LARGE1: variants seen among roughly 807,000 people sequenced by gnomAD.
LARGE1 encodes LARGE xylosyl- and glucuronyltransferase 1.
Under a neutral mutation model 87.6 loss-of-function variants are expected in LARGE1, and 43 were observed. The ratio of observed to expected loss-of-function variants is 0.49; its 90% CI spans 0.38 to 0.63. The LOEUF (loss-of-function observed/expected upper bound fraction) is 0.63. LARGE1 is among the 30% of genes least tolerant of loss of function. LARGE1 has a pLI of 0.00. For missense variants in LARGE1, 802 were observed against 1,000.2 expected (o/e 0.80, Z 2.67); for synonymous variants, 434 against 394.6 (o/e 1.10, Z -1.18).
chr22:33,661,761 C>A (rs1569351869), intron 2 of LARGE1, among the ~76,000 whole-genome samples: 1 of 152,054 alleles, frequency 6.6e-6, no homozygotes, highest in East Asian at 1.9e-4. Flanking sequence ...CAAAAAGGAT[C>A]CAACAGAATG....
At chr22:33,440,760 T>C (rs2067436804) in intron 6 of LARGE1, among the ~76,000 whole-genome samples, 1 of 152,178 alleles carries the variant, frequency 6.6e-6, no homozygotes, top group Non-Finnish European at 1.5e-5. Flanking sequence ...CAGAACGATA[T>C]TTAAACAACC....
intron 1 of LARGE1, among the ~76,000 whole-genome samples, chr22:33,901,422 C>G (rs867269566): frequency 6.6e-6 from 1 of 152,204 alleles, no homozygotes; most frequent in African/African-American, 2.4e-5. Context: ...GAAATATTAG[C>G]ATGGAAATAA....
intron 1 of LARGE1, among the ~76,000 whole-genome samples, chr22:33,871,205 TATATTC>T (rs1391826681): frequency 6.6e-6 from 1 of 152,236 alleles, no homozygotes; most frequent in African/African-American, 2.4e-5. Context: ...AACGTATATT[TATATTC>T]ATTTTAAGGC....
At chr22:33,771,080 C>T (rs1346646035) in intron 1 of LARGE1, among the ~76,000 whole-genome samples, 1 of 152,166 alleles carries the variant, frequency 6.6e-6, no homozygotes. Flanking sequence ...TGCCAGCCCT[C>T]CAAGGCTACA....
intron 6 of LARGE1, among the ~76,000 whole-genome samples, chr22:33,506,125 GGGGCCTCATTTCAA>G (rs879796017): frequency 6.6e-5 from 10 of 152,130 alleles, no homozygotes; most frequent in East Asian, 3.9e-4. Context: ...AGGGAAGAAT[GGGGCCTCATTTCAA>G]GGGCCTCATT....
chr22:33,179,675 G>A (rs886211276), intron 11 of LARGE1, among the ~76,000 whole-genome samples: 1 of 152,148 alleles, frequency 6.6e-6, no homozygotes, highest in Admixed American at 6.5e-5. Context: ...TATTATTTAA[G>A]TACTTTGGGA....
intron 1 of LARGE1, among the ~76,000 whole-genome samples, chr22:33,898,553 A>G (rs1311598948): frequency 6.6e-6 from 1 of 152,224 alleles, no homozygotes; most frequent in Admixed American, 6.5e-5. Context: ...TTGGAAGTTC[A>G]AGACCAGCCT....
intron 1 of LARGE1, among the ~76,000 whole-genome samples, chr22:33,774,419 C>T (rs766654748): frequency 1.7e-4 from 26 of 152,154 alleles, no homozygotes; most frequent in Middle Eastern, 3.4e-3. Context: ...TGCAGTGGCA[C>T]GATCTCGGTT....
At chr22:33,687,146 C>T (rs1299381055) in intron 2 of LARGE1, among the ~76,000 whole-genome samples, 1 of 151,832 alleles carries the variant, frequency 6.6e-6, no homozygotes, top group Non-Finnish European at 1.5e-5. Flanking sequence ...AAGATGACCA[C>T]CTCTTCCTTT....
chr22:33,833,399 G>A (rs891884246), intron 1 of LARGE1, among the ~76,000 whole-genome samples: 14 of 152,130 alleles, frequency 9.2e-5, no homozygotes, highest in African/African-American at 2.4e-5. Flanking sequence ...CCCTAATCCA[G>A]AATGACCAGT....
At chr22:33,471,895 C>A (rs1249963618) in intron 6 of LARGE1, among the ~76,000 whole-genome samples, 1 of 152,074 alleles carries the variant, frequency 6.6e-6, no homozygotes. Flanking sequence ...ACTAAAAATA[C>A]AAAAATTAGC....
At chr22:33,640,395 A>G (rs1289363888) in intron 3 of LARGE1, among the ~76,000 whole-genome samples, 2 of 152,270 alleles carry the variant, frequency 1.3e-5, no homozygotes, top group Non-Finnish European at 2.9e-5. Context: ...TAACTTTTTA[A>G]GAATCTAAGA....
chr22:33,915,743 G>A (rs1013584923), intron 1 of LARGE1, among the ~76,000 whole-genome samples: 1 of 152,112 alleles, frequency 6.6e-6, no homozygotes, highest in Non-Finnish European at 1.5e-5. Flanking sequence ...GCAAGAAGCG[G>A]GGGCACAGTC....
At chr22:33,862,839 G>C (rs1220039334) in intron 1 of LARGE1, among the ~76,000 whole-genome samples, 1 of 152,146 alleles carries the variant, frequency 6.6e-6, no homozygotes, top group East Asian at 1.9e-4. Context: ...GAGGTCAAAA[G>C]AGTCAAAACA....
intron 5 of LARGE1, among the ~76,000 whole-genome samples, chr22:33,567,644 C>T (rs1010903230): frequency 3.3e-5 from 5 of 152,150 alleles, no homozygotes; most frequent in Non-Finnish European, 7.3e-5. Flanking sequence ...GGGGTACACA[C>T]GCATTTTTGT....
chr22:33,242,915 A>C (rs940543560), intron 11 of LARGE1, among the ~76,000 whole-genome samples: 1 of 152,304 alleles, frequency 6.6e-6, no homozygotes, highest in Admixed American at 6.5e-5. Flanking sequence ...TAGTACAAGC[A>C]TCACCTCCAT....
At chr22:33,565,583 C>T (rs533925541) in intron 5 of LARGE1, among the ~76,000 whole-genome samples, 20 of 150,280 alleles carry the variant, frequency 1.3e-4, no homozygotes, top group Non-Finnish European at 2.2e-4. Flanking sequence ...AGTCATCACG[C>T]GACACTCTTC....
intron 6 of LARGE1, among the ~76,000 whole-genome samples, chr22:33,455,631 G>A (rs1024276161): frequency 2.6e-5 from 4 of 151,864 alleles, no homozygotes; most frequent in Admixed American, 6.6e-5. Flanking sequence ...GTGTGTGCCC[G>A]TAATTCCAGC....
chr22:33,185,257 G>A (rs181760716), intron 11 of LARGE1, among the ~76,000 whole-genome samples: 90 of 152,182 alleles, frequency 5.9e-4, no homozygotes, highest in Non-Finnish European at 1.0e-3. Context: ...AAAAAGACAC[G>A]GAGAAAATTT....
Sources: gnomAD v4.1 joint callset for allele counts (sites outside exome capture counted in the v4.1 genomes callset) on GRCh38, gnomAD v4.1.1 for gene constraint, MANE v1.5 for transcripts, NCBI Gene and HGNC (gene_info 2026-07-23, HGNC 2026-07-21) for gene names.